Variants in ANTXR2 observed in about 807,000 individuals in gnomAD.
ANTXR2 encodes anthrax toxin receptor 2.
A neutral mutation model predicts 73.7 loss-of-function variants in ANTXR2; 44 were observed. The ratio of observed to expected loss-of-function variants is 0.60; its 90% CI spans 0.47 to 0.77. The LOEUF (loss-of-function observed/expected upper bound fraction) is 0.77. ANTXR2 is among the 30% of genes least tolerant of loss of function. ANTXR2 has a pLI of 0.00. For synonymous variants in ANTXR2, 217 were observed against 205.9 expected, an observed-to-expected ratio of 1.05 and a Z score of -0.46; for missense variants, 604 against 592.5, an observed-to-expected ratio of 1.02 and a Z score of -0.20.
At chr4:79,910,292 T>C (rs902616163) in intron 16 of ANTXR2, among the ~76,000 whole-genome samples, 2 of 151,902 alleles carry the variant, frequency 1.3e-5, no homozygotes, top group African/African-American at 4.8e-5. Context: ...AGGCAGATCA[T>C]GAGGTCAAGA....
At chr4:79,980,911 T>C (rs926437701) in intron 14 of ANTXR2, among the ~76,000 whole-genome samples, 2 of 124,662 alleles carry the variant, frequency 1.6e-5, no homozygotes, top group Non-Finnish European at 3.3e-5. Context: ...TTTTCCTAGT[T>C]TAAGGGCTTT....
chr4:79,926,997 A>T (rs1387568484), intron 16 of ANTXR2, among the ~76,000 whole-genome samples: 1 of 151,378 alleles, frequency 6.6e-6, no homozygotes, highest in African/African-American at 2.4e-5. Context: ...ATATGTGTAT[A>T]TATACACGTG....
At chr4:80,067,660 G>A (rs1015935386) in intron 3 of ANTXR2, among the ~76,000 whole-genome samples, 5 of 149,192 alleles carry the variant, frequency 3.4e-5, no homozygotes, top group African/African-American at 1.3e-4. Context: ...CACGGGTTGT[G>A]GACTACCATG....
intron 16 of ANTXR2, among the ~76,000 whole-genome samples, chr4:79,933,121 G>C (rs150762637): frequency 3.4e-4 from 51 of 152,188 alleles, no homozygotes; most frequent in Non-Finnish European, 3.4e-4. Context: ...CTAACACAGA[G>C]GACTGTTAAG....
intron 15 of ANTXR2, 40 bp from the exon 16 acceptor site, chr4:79,977,741 C>T: frequency 6.6e-7 from 1 of 1,505,770 alleles, no homozygotes; most frequent in Non-Finnish European, 9.0e-7. Flanking sequence ...AGAGAATGTA[C>T]TCAATCTCTA....
At chr4:80,004,973 A>G (rs1375998877) in intron 12 of ANTXR2, among the ~76,000 whole-genome samples, 2 of 152,150 alleles carry the variant, frequency 1.3e-5, no homozygotes, top group African/African-American at 4.8e-5. Flanking sequence ...TCTCTGTCTA[A>G]AATATAAGTA....
At chr4:79,976,774 T>C (rs1427829881) in intron 16 of ANTXR2, among the ~76,000 whole-genome samples, 1 of 152,136 alleles carries the variant, frequency 6.6e-6, no homozygotes, top group Admixed American at 6.5e-5. Flanking sequence ...TGGGCTAAGC[T>C]CCAATTTGGG....
intron 11 of ANTXR2, among the ~76,000 whole-genome samples, chr4:80,014,039 C>A (rs1412909224): frequency 6.6e-6 from 1 of 152,182 alleles, no homozygotes; most frequent in Non-Finnish European, 1.5e-5. Flanking sequence ...CTTGGCCTCT[C>A]CCAGGCATGT....
At chr4:80,064,926 G>A (rs189829809) in intron 3 of ANTXR2, among the ~76,000 whole-genome samples, 33 of 152,282 alleles carry the variant, frequency 2.2e-4, no homozygotes, top group African/African-American at 7.2e-4. Flanking sequence ...GTGGAATATC[G>A]GCTTTAACTT....
chr4:79,998,500 A>G (rs984387482), intron 12 of ANTXR2, among the ~76,000 whole-genome samples: 1 of 152,024 alleles, frequency 6.6e-6, no homozygotes, highest in Non-Finnish European at 1.5e-5. Context: ...AAACTATGCA[A>G]CTATAGGACT....
intron 3 of ANTXR2, among the ~76,000 whole-genome samples, chr4:80,058,020 G>A (rs1288681690): frequency 6.6e-6 from 1 of 152,056 alleles, no homozygotes; most frequent in African/African-American, 2.4e-5. Flanking sequence ...TCTGAATGCA[G>A]ATAAAAGTCA....
chr4:80,014,202 C>T, intron 11 of ANTXR2, among the ~76,000 whole-genome samples: 1 of 152,030 alleles, frequency 6.6e-6, no homozygotes, highest in East Asian at 1.9e-4. Flanking sequence ...CTTGATTAAA[C>T]TTTAAACTTC....
intron 2 of ANTXR2, among the ~76,000 whole-genome samples, chr4:80,070,879 A>G (rs1184186835): frequency 1.3e-5 from 2 of 152,128 alleles, no homozygotes; most frequent in Non-Finnish European, 2.9e-5. Flanking sequence ...TAAAAAAAAA[A>G]GAAGGAAAAA....
intron 16 of ANTXR2, among the ~76,000 whole-genome samples, chr4:79,955,193 G>A (rs748926734): frequency 1.3e-4 from 20 of 152,202 alleles, no homozygotes; most frequent in Middle Eastern, 3.4e-3. Context: ...ATTTTATAGA[G>A]AGGAAACTGG....
At position 79,978,129 on chromosome 4, in the gene ANTXR2, C is replaced by T; in HGVS notation, c.1225G>A (p.Glu409Lys). The change falls in exon 15 of 17, where the codon GAG (glutamate) becomes AAG (lysine). Residue 409 changes from glutamate to lysine, a missense_variant. Coordinates refer to ENST00000403729, the MANE Select transcript of ANTXR2 (RefSeq NM_058172.6). ...TTCACCACAGCATTTTTGGCTTTCT[C>T]TAGCCTTGCACCTTCCTCAGTAGAT... ...KGSTEEGARL[E>K]KAKNAVVKIP... is the part of the protein sequence containing the mutation. 6.2e-7 allele frequency: 1 copy of T among 1,613,886 alleles called. No homozygotes were observed. Among genetic ancestry groups the T allele is most frequent in the Non-Finnish European group, 8.5e-7 (1 of 1,179,868 alleles).
chr4:80,045,835 T>A (rs960862951), intron 7 of ANTXR2, among the ~76,000 whole-genome samples: 6 of 151,794 alleles, frequency 4.0e-5, no homozygotes, highest in Non-Finnish European at 7.4e-5. Flanking sequence ...ATTTTTATTT[T>A]TTCTATGGCT....
chr4:79,923,184 T>C (rs972204617), intron 16 of ANTXR2, among the ~76,000 whole-genome samples: 19 of 152,104 alleles, frequency 1.2e-4, no homozygotes, highest in Admixed American at 1.3e-4. Flanking sequence ...ATAATTGATA[T>C]TGCATCTGTA....
chr4:80,016,605 C>T (rs1731884320), intron 11 of ANTXR2, among the ~76,000 whole-genome samples: 1 of 152,196 alleles, frequency 6.6e-6, no homozygotes, highest in Non-Finnish European at 1.5e-5. Flanking sequence ...GAACTCCAGA[C>T]TTGCATATTC....
intron 8 of ANTXR2, among the ~76,000 whole-genome samples, chr4:80,034,667 A>G (rs1001226378): frequency 8.5e-5 from 13 of 152,162 alleles, no homozygotes; most frequent in Admixed American, 6.6e-4. Flanking sequence ...TTAAATTCCA[A>G]TTATATTTGT....
Sources: allele counts gnomAD v4.1 joint callset (sites outside exome capture counted in the v4.1 genomes callset), GRCh38; gene constraint gnomAD v4.1.1; transcripts MANE v1.5; gene names NCBI Gene and HGNC (gene_info 2026-07-23, HGNC 2026-07-21).